Variants in MAST2 observed in about 807,000 individuals in gnomAD.
MAST2 encodes microtubule-associated serine/threonine-protein kinase 2.
MAST2 carries 70 observed loss-of-function variants against 147.4 expected under a neutral mutation model. The observed-to-expected ratio is 0.47, with a 90% CI of 0.39 to 0.58. The LOEUF (loss-of-function observed/expected upper bound fraction) is 0.58. Among genes scored for constraint, MAST2 ranks in the 20% least tolerant of loss-of-function variants. The pLI is 0.00. For synonymous variants in MAST2, 869 were observed against 896.8 expected, an observed-to-expected ratio of 0.97 and a Z score of 0.55; for missense variants, 2,080 against 2,302.3, an observed-to-expected ratio of 0.90 and a Z score of 1.98.
chr1:45,935,000 T>TTACAATTTGGTGG (rs1655971136), intron 4 of MAST2, among the ~76,000 whole-genome samples: 1 of 152,278 alleles, frequency 6.6e-6, no homozygotes, highest in Admixed American at 6.5e-5. Context: ...GAGGCTGAAC[T>TTACAATTTGGTGG]AATTTACAAT....
At chr1:45,897,437 G>A (rs1273248976) in intron 4 of MAST2, among the ~76,000 whole-genome samples, 2 of 152,188 alleles carry the variant, frequency 1.3e-5, no homozygotes, top group African/African-American at 2.4e-5. Context: ...AGCACTTGTA[G>A]TTGCAACCCT....
intron 4 of MAST2, among the ~76,000 whole-genome samples, chr1:45,952,359 G>A (rs1659054413): frequency 6.6e-6 from 1 of 152,152 alleles, no homozygotes; most frequent in Non-Finnish European, 1.5e-5. Flanking sequence ...ACAGTACGTT[G>A]GTGGTTGGTT....
At chr1:45,889,329 G>A (rs1304446355) in intron 4 of MAST2, among the ~76,000 whole-genome samples, 8 of 152,080 alleles carry the variant, frequency 5.3e-5, no homozygotes, top group Admixed American at 3.9e-4. Flanking sequence ...TGGGACCACA[G>A]GTGCACGCCG....
chr1:45,981,581 C>T (rs1644409087), intron 5 of MAST2, among the ~76,000 whole-genome samples: 1 of 152,188 alleles, frequency 6.6e-6, no homozygotes, highest in African/African-American at 2.4e-5. Context: ...CCCAATCCTT[C>T]AGAGGGTATT....
chr1:45,933,235 AAGC>A lies in MAST2; in HGVS notation c.501-26150_501-26148del, dbSNP rs1408369531. ...AAGACCCTGTCTCTTTAAAAAAAAAAAGCGGGGGGGTTGGGGGGGGCAAATGTT... is the reference window on the plus strand; with the variant it reads ...AAGACCCTGTCTCTTTAAAAAAAAAAGGGGGGGTTGGGGGGGGCAAATGTT... On this transcript the variant is annotated intron_variant, in intron 4 of 28. Transcript: ENST00000361297. 3.9e-3 allele frequency among the ~76,000 whole-genome samples: 231 copies of A among 58,948 alleles called. 2 individuals are homozygous for A. Among genetic ancestry groups the A allele is most frequent in the Middle Eastern group, 7.8e-3 (1 of 128 alleles). The allele number at this position is 58,948 out of a possible 152,430, so 38.7% of individuals were successfully genotyped here. A position where few individuals can be genotyped will look rare whatever the true frequency, so the allele number is the denominator to read the frequency against.
chr1:46,012,686 G>T (rs752892896), intron 10 of MAST2, among the ~76,000 whole-genome samples: 3 of 152,022 alleles, frequency 2.0e-5, no homozygotes, highest in Non-Finnish European at 2.9e-5. Context: ...GTTCACTGAA[G>T]CTAGAAAACA....
intron 1 of MAST2, 62 bp from the exon 2 acceptor site, chr1:45,824,371 A>G (rs898967730): frequency 7.6e-7 from 1 of 1,319,754 alleles, no homozygotes; most frequent in Non-Finnish European, 1.0e-6. Flanking sequence ...TGTTTAATAT[A>G]AAGTTTTTAT....
intron 3 of MAST2, among the ~76,000 whole-genome samples, chr1:45,864,368 C>T (rs770854203): frequency 1.2e-4 from 18 of 152,112 alleles, no homozygotes; most frequent in Non-Finnish European, 2.4e-4. Context: ...GCAGGGAAAC[C>T]GACCTTAGCA....
intron 4 of MAST2, among the ~76,000 whole-genome samples, chr1:45,888,663 C>CTTTTTTTTTTTTTTTTTTTTTTT (rs71587722): frequency 1.4e-4 from 7 of 48,726 alleles, no homozygotes; most frequent in Admixed American, 2.9e-4. Context: ...CGCGCGGCCT[C>CTTTTTTTTTTTTTTTTTTTTTTT]TTTTTTTTTT....
At chr1:45,837,485 A>G (rs1317585834) in intron 3 of MAST2, among the ~76,000 whole-genome samples, 2 of 152,156 alleles carry the variant, frequency 1.3e-5, no homozygotes, top group Non-Finnish European at 2.9e-5. Context: ...TTCCATTGGC[A>G]TGGGTATATA....
intron 3 of MAST2, 107 bp from the exon 4 acceptor site, chr1:45,882,257 C>A (rs971259266): frequency 6.2e-6 from 4 of 640,324 alleles, no homozygotes; most frequent in Non-Finnish European, 1.1e-5. Flanking sequence ...AAATATGTGG[C>A]CTTTTCCATT....
intron 5 of MAST2, among the ~76,000 whole-genome samples, chr1:45,967,281 G>A (rs1452278270): frequency 6.6e-6 from 1 of 152,038 alleles, no homozygotes; most frequent in Non-Finnish European, 1.5e-5. Context: ...TGTTGGCCAG[G>A]CTGGTCTTGA....
intron 4 of MAST2, among the ~76,000 whole-genome samples, chr1:45,907,370 CT>C (rs1353741014): frequency 6.6e-6 from 1 of 151,470 alleles, no homozygotes. Context: ...GTAATTTTAG[CT>C]TTTATGTTTG....
chr1:45,881,109 A>T (rs907635476), intron 3 of MAST2, among the ~76,000 whole-genome samples: 1 of 152,230 alleles, frequency 6.6e-6, no homozygotes, highest in Non-Finnish European at 1.5e-5. Flanking sequence ...AATATCCAGT[A>T]CTTTATGACT....
chr1:45,990,157 T>C (rs1356696188), intron 5 of MAST2, among the ~76,000 whole-genome samples: 2 of 152,356 alleles, frequency 1.3e-5, no homozygotes, highest in Admixed American at 6.5e-5. Flanking sequence ...CCAAACTGTC[T>C]TCCAAAGTGG....
At chr1:45,835,231 A>T (rs1016835120) in intron 3 of MAST2, among the ~76,000 whole-genome samples, 2 of 152,022 alleles carry the variant, frequency 1.3e-5, no homozygotes, top group African/African-American at 4.8e-5. Context: ...ACATACTCAA[A>T]TTTTCAATCT....
At chr1:45,888,127 G>C (rs997198158) in intron 4 of MAST2, among the ~76,000 whole-genome samples, 1 of 152,156 alleles carries the variant, frequency 6.6e-6, no homozygotes, top group Non-Finnish European at 1.5e-5. Context: ...TCTCATAACT[G>C]TCCATTCACC....
intron 9 of MAST2, 26 bp downstream of exon 9, chr1:46,008,397 G>T: frequency 6.5e-7 from 1 of 1,544,668 alleles, no homozygotes; most frequent in South Asian, 1.1e-5. Context: ...AAAGGAGAGT[G>T]GCAATACCCC....
chr1:45,864,083 G>T (rs559395628), intron 3 of MAST2, among the ~76,000 whole-genome samples: 8 of 152,260 alleles, frequency 5.3e-5, no homozygotes, highest in African/African-American at 1.9e-4. Context: ...AAATCTAAAA[G>T]ATTATGTATT....
Sources: allele counts gnomAD v4.1 joint callset (sites outside exome capture counted in the v4.1 genomes callset), GRCh38; gene constraint gnomAD v4.1.1; transcripts MANE v1.5; gene names NCBI Gene and HGNC (gene_info 2026-07-23, HGNC 2026-07-21).